The following ANO4 variants were observed in gnomAD, a reference collection of about 807,000 sequenced individuals.
ANO4 encodes anoctamin 4, also known as anoctamin-4.
In ANO4, 69 loss-of-function variants were observed where a neutral mutation model predicts 141.9. That is an observed-to-expected ratio of 0.49 (90% CI 0.40 to 0.59). The LOEUF (loss-of-function observed/expected upper bound fraction) is 0.59, where lower values mean the gene tolerates loss of function less well. ANO4 is among the 20% of genes least tolerant of loss of function. The pLI, the probability that ANO4 is intolerant of heterozygous loss-of-function variation, is 0.00. For missense variants in ANO4, 894 were observed against 1,162.2 expected, an observed-to-expected ratio of 0.77 and a Z score of 3.36; for synonymous variants, 350 against 394.3, an observed-to-expected ratio of 0.89 and a Z score of 1.33.
intron 14 of ANO4, among the ~76,000 whole-genome samples, chr12:101,049,343 G>T (rs1422501278): frequency 1.3e-5 from 2 of 152,122 alleles, no homozygotes; most frequent in Non-Finnish European, 2.9e-5. Flanking sequence ...AATGTCATCT[G>T]CTCCAGCCAA....
intron 13 of ANO4, among the ~76,000 whole-genome samples, chr12:101,047,779 AGG>A (rs1352248585): frequency 6.6e-6 from 1 of 152,226 alleles, no homozygotes; most frequent in Non-Finnish European, 1.5e-5. Context: ...TATGTGCAGT[AGG>A]TAAATATAGT....
intron 3 of ANO4, among the ~76,000 whole-genome samples, chr12:100,745,884 G>A (rs1357082106): frequency 2.0e-5 from 3 of 152,106 alleles, no homozygotes; most frequent in Non-Finnish European, 4.4e-5. Flanking sequence ...GCAAAAATCA[G>A]AAACATCTTA....
At chr12:101,007,433 T>C (rs1430324710) in intron 8 of ANO4, among the ~76,000 whole-genome samples, 2 of 152,216 alleles carry the variant, frequency 1.3e-5, no homozygotes, top group African/African-American at 4.8e-5. Flanking sequence ...ATCATGTGTA[T>C]GTAACCACAC....
intron 8 of ANO4, among the ~76,000 whole-genome samples, chr12:101,009,991 T>C (rs1593002852): frequency 6.6e-6 from 1 of 152,290 alleles, no homozygotes; most frequent in Non-Finnish European, 1.5e-5. Context: ...GCCCCAGTTC[T>C]AAGATTTTCT....
intron 8 of ANO4, among the ~76,000 whole-genome samples, chr12:100,988,883 A>G (rs1273296922): frequency 8.0e-6 from 1 of 125,234 alleles, no homozygotes; most frequent in Non-Finnish European, 1.8e-5. Context: ...AAAAAAAAAA[A>G]AAAAAGAAAG....
chr12:100,729,232 G>A (rs1231379855), intron 1 of ANO4, among the ~76,000 whole-genome samples: 3 of 151,358 alleles, frequency 2.0e-5, no homozygotes, highest in Non-Finnish European at 4.4e-5. Context: ...TGCTATGTGG[G>A]ATTCCATCTT....
chr12:101,083,882 T>C, intron 16 of ANO4, 64 bp downstream of exon 16: 1 of 1,382,466 alleles, frequency 7.2e-7, no homozygotes, highest in Non-Finnish European at 9.7e-7. Context: ...ATAACAGTAA[T>C]CATATTGGGC....
At chr12:101,047,511 T>C (rs1265946158) in intron 13 of ANO4, among the ~76,000 whole-genome samples, 1 of 152,144 alleles carries the variant, frequency 6.6e-6, no homozygotes, top group Non-Finnish European at 1.5e-5. Flanking sequence ...ATGAAAAACC[T>C]CTTTATATTT....
chr12:101,053,530 T>G (rs2047960322), intron 14 of ANO4, among the ~76,000 whole-genome samples: 1 of 152,150 alleles, frequency 6.6e-6, no homozygotes, highest in African/African-American at 2.4e-5. Context: ...TCTCCTGGAT[T>G]CTGGTGATGG....
chr12:100,962,634 T>C (rs78946326), intron 5 of ANO4, among the ~76,000 whole-genome samples: 10,933 of 152,280 alleles, frequency 0.072, 512 homozygotes, highest in African/African-American at 0.1. Context: ...GTTTTCCTTG[T>C]GGTTGTAGGT....
chr12:101,081,125 AGAAATTCCTCTT>A (rs1470244279), intron 15 of ANO4, among the ~76,000 whole-genome samples: 1 of 151,696 alleles, frequency 6.6e-6, no homozygotes, highest in Non-Finnish European at 1.5e-5. Context: ...GACTGCATTC[AGAAATTCCTCTT>A]GTGTGGTGCC....
At chr12:101,123,948 T>G (rs2051199962) in intron 26 of ANO4, among the ~76,000 whole-genome samples, 1 of 152,168 alleles carries the variant, frequency 6.6e-6, no homozygotes, top group Non-Finnish European at 1.5e-5. Flanking sequence ...TATATCTTCT[T>G]TTGAGAGGTA....
At chr12:100,745,486 G>A (rs757878537) in intron 3 of ANO4, among the ~76,000 whole-genome samples, 8 of 152,134 alleles carry the variant, frequency 5.3e-5, no homozygotes, top group Non-Finnish European at 1.2e-4. Flanking sequence ...GTACTTGTTC[G>A]CTCAGTGCAG....
intron 9 of ANO4, among the ~76,000 whole-genome samples, chr12:101,026,093 C>T (rs1439256838): frequency 6.6e-6 from 1 of 152,082 alleles, no homozygotes; most frequent in Non-Finnish European, 1.5e-5. Flanking sequence ...TTAAAACTGT[C>T]CTAATTATCA....
chr12:100,717,779 G>T (rs1305045115), intron 1 of ANO4, among the ~76,000 whole-genome samples: 1 of 152,230 alleles, frequency 6.6e-6, no homozygotes, highest in Non-Finnish European at 1.5e-5. Context: ...AATTTGGGAG[G>T]ATCTGGGAGC....
At chr12:101,101,987 G>A (rs560495559) in intron 22 of ANO4, among the ~76,000 whole-genome samples, 2 of 152,214 alleles carry the variant, frequency 1.3e-5, no homozygotes, top group Admixed American at 1.3e-4. Context: ...GGGAAGCTGA[G>A]GCAGGAGAAT....
chr12:101,003,149 G>T (rs750740950), intron 8 of ANO4, among the ~76,000 whole-genome samples: 1 of 152,212 alleles, frequency 6.6e-6, no homozygotes, highest in African/African-American at 2.4e-5. Context: ...TGTCAGCCAG[G>T]TTCTGCTGGG....
chr12:100,940,634 T>C (rs2042471150), intron 4 of ANO4, among the ~76,000 whole-genome samples: 1 of 152,200 alleles, frequency 6.6e-6, no homozygotes, highest in Admixed American at 6.5e-5. Flanking sequence ...GGTCATTCCA[T>C]TTCCCCAGCT....
At chr12:100,906,759 T>C (rs941296312) in intron 2 of ANO4, among the ~76,000 whole-genome samples, 2 of 152,116 alleles carry the variant, frequency 1.3e-5, no homozygotes, top group African/African-American at 4.8e-5. Flanking sequence ...CAACTTGAGA[T>C]TCAAGGCTGA....
Sources: gnomAD v4.1 joint callset for allele counts (sites outside exome capture counted in the v4.1 genomes callset) on GRCh38, gnomAD v4.1.1 for gene constraint, MANE v1.5 for transcripts, NCBI Gene and HGNC (gene_info 2026-07-23, HGNC 2026-07-21) for gene names.